The following GRM5 variants were observed in gnomAD, a reference collection of about 807,000 sequenced individuals.
GRM5 encodes glutamate metabotropic receptor 5, also known as metabotropic glutamate receptor 5.
A neutral mutation model predicts 83.1 loss-of-function variants in GRM5; 19 were observed. That is an observed-to-expected ratio of 0.23 (90% confidence interval 0.16 to 0.34). The LOEUF is 0.34. Ranked by LOEUF, GRM5 falls within the 10% of genes least tolerant of loss-of-function variation. The pLI, the probability that GRM5 is intolerant of heterozygous loss-of-function variation, is 1.00. For missense variants in GRM5, 1,160 were observed against 1,588.3 expected, an observed-to-expected ratio of 0.73 and a Z score of 4.58; for synonymous variants, 675 against 633.6, an observed-to-expected ratio of 1.07 and a Z score of -0.98.
intron 2 of GRM5, among the ~76,000 whole-genome samples, chr11:88,854,058 G>GTGTATATATATATATATATATATA (rs1555027663): frequency 1.7e-5 from 2 of 121,196 alleles, no homozygotes; most frequent in African/African-American, 6.2e-5. Context: ...AAAATGTGGT[G>GTGTATATATATATATATATATATA]TATATATATA....
intron 4 of GRM5, among the ~76,000 whole-genome samples, chr11:88,620,503 A>G (rs1021026163): frequency 1.6e-4 from 24 of 152,218 alleles, no homozygotes; most frequent in Non-Finnish European, 2.8e-4. Flanking sequence ...GAATAGACTT[A>G]CTGTATGGAA....
At chr11:88,882,981 G>A (rs1480875232) in intron 2 of GRM5, among the ~76,000 whole-genome samples, 3 of 152,120 alleles carry the variant, frequency 2.0e-5, no homozygotes, top group Non-Finnish European at 2.9e-5. Context: ...CGTAAGACAT[G>A]ACTTTGCTCC....
At chr11:88,987,702 C>G (rs917464256) in intron 2 of GRM5, among the ~76,000 whole-genome samples, 9 of 152,154 alleles carry the variant, frequency 5.9e-5, no homozygotes, top group Admixed American at 5.2e-4. Flanking sequence ...ATCCCTGACC[C>G]CTGACCCCCG....
At chr11:88,963,370 C>G (rs34436454) in intron 2 of GRM5, among the ~76,000 whole-genome samples, 23,013 of 152,144 alleles carry the variant, frequency 0.15, 2,353 homozygotes, top group Non-Finnish European at 0.24. Context: ...ACTTTTTCAG[C>G]CTCACTAACC....
chr11:88,669,569 T>G (rs1162439987), intron 3 of GRM5, among the ~76,000 whole-genome samples: 2 of 152,060 alleles, frequency 1.3e-5, no homozygotes, highest in African/African-American at 4.8e-5. Flanking sequence ...TCTATAGATA[T>G]ACTACAGATA....
intron 3 of GRM5, among the ~76,000 whole-genome samples, chr11:88,657,605 C>A (rs1018780147): frequency 1.3e-5 from 2 of 152,142 alleles, no homozygotes; most frequent in Non-Finnish European, 2.9e-5. Context: ...TCTCTACAAT[C>A]TACTCTTCCC....
At chr11:88,883,429 C>A (rs1944993629) in intron 2 of GRM5, among the ~76,000 whole-genome samples, 1 of 152,150 alleles carries the variant, frequency 6.6e-6, no homozygotes, top group Admixed American at 6.5e-5. Context: ...CTTTAGAGAT[C>A]TGTGGAACTT....
At chr11:88,848,199 T>C (rs1207606139) in intron 3 of GRM5, among the ~76,000 whole-genome samples, 1 of 152,174 alleles carries the variant, frequency 6.6e-6, no homozygotes, top group Non-Finnish European at 1.5e-5. Flanking sequence ...AACTGGTACA[T>C]CATTCCTGCC....
Position 88,653,315 on chromosome 11 carries a change from C to A in GRM5, c.1000G>T (p.Val334Phe). The A allele has an allele frequency of 6.2e-7, 1 of 1,612,982 alleles. No homozygotes were observed. Among genetic ancestry groups the A allele is most frequent in the Non-Finnish European group, 8.5e-7 (1 of 1,179,252 alleles). Residue 334 changes from valine to phenylalanine, a missense_variant, in exon 4 of 10, where the codon GTC becomes TTC. By Grantham distance (50) the Val-to-Phe change is conservative. This residue lies in a region of GRM5 where 132 missense variants were observed against 197.6 expected (regional missense o/e 0.67). Coordinates refer to ENST00000305447, the MANE Select transcript of GRM5 (RefSeq NM_001143831.3). ...GITIKLQSPDVKWFDDYYLKL... is the reference protein window; with the variant it reads ...GITIKLQSPDFKWFDDYYLKL... ...AGATAATAATCATCAAACCACTTGA[C>A]ATCGGGAGATTGGAGCTTGATTGTG... is the stretch of plus-strand genomic sequence containing the variant.
intron 2 of GRM5, among the ~76,000 whole-genome samples, chr11:88,872,288 T>C (rs564805026): frequency 6.6e-6 from 1 of 151,684 alleles, no homozygotes; most frequent in South Asian, 2.1e-4. Context: ...CACAGTGTAA[T>C]AAGATAAATT....
intron 2 of GRM5, among the ~76,000 whole-genome samples, chr11:88,892,875 T>C (rs746695819): frequency 3.1e-4 from 47 of 152,038 alleles, no homozygotes; most frequent in South Asian, 6.2e-4. Context: ...GTGAGTAGGG[T>C]GCCCATAACC....
At chr11:89,056,473 C>T (rs539586160) in intron 1 of GRM5, among the ~76,000 whole-genome samples, 269 of 152,192 alleles carry the variant, frequency 1.8e-3, no homozygotes, top group Non-Finnish European at 3.2e-3. Flanking sequence ...TTATTTTCAG[C>T]GTAAAGAGCC....
chr11:88,842,890 C>T (rs559502189), intron 3 of GRM5, among the ~76,000 whole-genome samples: 1 of 152,306 alleles, frequency 6.6e-6, no homozygotes, highest in South Asian at 2.1e-4. Context: ...TTGAAATGTA[C>T]CTGAACTCCA....
At chr11:88,576,183 C>T (rs751301336) in intron 7 of GRM5, among the ~76,000 whole-genome samples, 1 of 152,052 alleles carries the variant, frequency 6.6e-6, no homozygotes, top group Non-Finnish European at 1.5e-5. Context: ...TTCTCCAGTC[C>T]CTTTTTACTA....
At chr11:88,681,205 T>G (rs1173308237) in intron 3 of GRM5, among the ~76,000 whole-genome samples, 1 of 152,154 alleles carries the variant, frequency 6.6e-6, no homozygotes, top group Non-Finnish European at 1.5e-5. Context: ...AAAAGAAGTC[T>G]TAATTTGCTC....
intron 3 of GRM5, among the ~76,000 whole-genome samples, chr11:88,826,656 C>A (rs986341271): frequency 6.6e-6 from 1 of 151,814 alleles, no homozygotes; most frequent in Non-Finnish European, 1.5e-5. Flanking sequence ...TGGCATAATG[C>A]CCATAAAAAG....
chr11:88,524,214 C>CTTTTTTTTTTT (rs71470770), intron 9 of GRM5, among the ~76,000 whole-genome samples: 8 of 101,396 alleles, frequency 7.9e-5, no homozygotes, highest in Admixed American at 1.0e-4. Flanking sequence ...TTCTTTCTTT[C>CTTTTTTTTTTT]TTTTTTTTTT....
rs112311012 is a variant in GRM5, at chr11:89,041,253, C to A, written c.661+5959G>T. 8.0e-3 allele frequency among the ~76,000 whole-genome samples: 1,225 copies of A among 152,302 alleles called. 19 individuals carry two copies. Among genetic ancestry groups the A allele is most frequent in the African/African-American group, 0.028 (1,183 of 41,556 alleles). On this transcript the variant is annotated intron_variant, in intron 2 of 9. Transcript: ENST00000305447. ...AGAACTGTGGAAGTGTCCACAATTG[C>A]ACATCACCAGAGATATTTCTGCATT...
At chr11:88,884,380 A>G (rs12420730) in intron 2 of GRM5, among the ~76,000 whole-genome samples, 2,762 of 152,264 alleles carry the variant, frequency 0.018, 46 homozygotes, top group East Asian at 0.068. Context: ...TATATACCCA[A>G]TGCCTGTACC....
Sources: allele counts gnomAD v4.1 joint callset (sites outside exome capture counted in the v4.1 genomes callset), GRCh38; gene constraint gnomAD v4.1.1; regional missense constraint gnomAD v4.1.1; transcripts MANE v1.5; gene names NCBI Gene and HGNC (gene_info 2026-07-23, HGNC 2026-07-21).